CNGA1: variants seen among roughly 807,000 people sequenced by gnomAD.
CNGA1 encodes the protein cyclic nucleotide gated channel subunit alpha 1, also known as cyclic nucleotide-gated channel alpha-1.
In CNGA1, 53 loss-of-function variants were observed where a neutral mutation model predicts 69.7. The ratio of observed to expected loss-of-function variants is 0.76; its 90% CI spans 0.61 to 0.96. The LOEUF is 0.96. Among genes scored for constraint, CNGA1 ranks in the 40% least tolerant of loss-of-function variants. CNGA1 has a pLI of 0.00. For missense variants in CNGA1, 739 were observed against 811.2 expected (o/e 0.91, Z 1.08); for synonymous variants, 249 against 283.5 (o/e 0.88, Z 1.22).
intron 2 of CNGA1, among the ~76,000 whole-genome samples, chr4:48,002,026 A>C (rs906745029): frequency 3.9e-5 from 6 of 152,182 alleles, no homozygotes; most frequent in African/African-American, 1.2e-4. Flanking sequence ...AATATATCAA[A>C]ATTTGTGGGA....
At chr4:47,985,307 T>C (rs888494128) in intron 2 of CNGA1, among the ~76,000 whole-genome samples, 1 of 152,216 alleles carries the variant, frequency 6.6e-6, no homozygotes, top group Non-Finnish European at 1.5e-5. Flanking sequence ...GTGGAAGATA[T>C]ATTTTCTGGT....
chr4:48,011,494 C>A (rs552371597), intron 1 of CNGA1, among the ~76,000 whole-genome samples: 4 of 151,872 alleles, frequency 2.6e-5, no homozygotes, highest in African/African-American at 4.8e-5. Flanking sequence ...TTAAAAAAAT[C>A]TTTTAAAATC....
intron 1 of CNGA1, among the ~76,000 whole-genome samples, chr4:48,011,369 T>C (rs548510063): frequency 3.4e-5 from 5 of 148,330 alleles, no homozygotes; most frequent in Non-Finnish European, 5.9e-5. Flanking sequence ...AACATGAAGG[T>C]CTTTTAAATA....
intron 3 of CNGA1, chr4:47,970,950 G>A (rs1740981736): frequency 2.2e-6 from 1 of 453,714 alleles, no homozygotes; most frequent in Non-Finnish European, 4.4e-6. Flanking sequence ...GAGATCAGGA[G>A]TTCAAGTCCA....
intron 3 of CNGA1, among the ~76,000 whole-genome samples, chr4:47,975,739 T>C (rs1741315305): frequency 6.6e-6 from 1 of 152,050 alleles, no homozygotes; most frequent in African/African-American, 2.4e-5. Context: ...TTAATTATGA[T>C]CCTGGGGCAT....
rs139028679 is a variant in CNGA1 at position 47,964,800 on chromosome 4, T to C, written c.-14-12097A>G. Among the ~76,000 whole-genome samples the C allele has an allele frequency of 2.2e-3, 335 of 152,200 alleles. 1 individual carries two copies. The highest frequency in any genetic ancestry group is 7.6e-3 in the African/African-American group (317 of 41,582). ...CTTTACATTTTCAAAAATGTTTCAA[T>C]GTATAGATTCTAAATTTTTATTAAT... On this transcript the variant is annotated intron_variant, in intron 3 of 10. Coordinates refer to ENST00000514170, the MANE Select transcript of CNGA1 (RefSeq NM_001379270.1).
chr4:47,947,072 C>T (rs1739440054), intron 6 of CNGA1, among the ~76,000 whole-genome samples: 1 of 152,176 alleles, frequency 6.6e-6, no homozygotes, highest in African/African-American at 2.4e-5. Context: ...CAGGTGTGAG[C>T]CACCATGCCC....
intron 3 of CNGA1, among the ~76,000 whole-genome samples, chr4:47,955,540 T>C (rs1476187195): frequency 6.6e-6 from 1 of 152,148 alleles, no homozygotes; most frequent in African/African-American, 2.4e-5. Context: ...ATTACTAAGG[T>C]ACAAAGTGGT....
At chr4:48,015,094 C>T (rs1305834955) in intron 1 of CNGA1, among the ~76,000 whole-genome samples, 1 of 152,128 alleles carries the variant, frequency 6.6e-6, no homozygotes, top group Non-Finnish European at 1.5e-5. Context: ...AGGAGAATGG[C>T]GTGAACCCAG....
chr4:47,944,179 AG>A (rs1281551685), intron 6 of CNGA1, among the ~76,000 whole-genome samples: 1 of 152,192 alleles, frequency 6.6e-6, no homozygotes, highest in East Asian at 1.9e-4. Context: ...TTCTAAAGCT[AG>A]GCCTCAAAGT....
Position 47,937,030 on chromosome 4 carries a change from C to A in CNGA1, c.1452G>T (p.Leu484Phe). The A allele has an allele frequency of 6.2e-7, 1 of 1,614,142 alleles. No homozygotes were observed. The highest frequency in any genetic ancestry group is 8.5e-7 in the Non-Finnish European group (1 of 1,180,034). The stretch of plus-strand genomic sequence containing the variant: ...GTTGCAATTTCAAGACCAACTCCAC[C>A]AACAGACCAGCTTCACAATCAGCAA... ...RIFADCEAGL[L>F]VELVLKLQPQ... The change falls in exon 11 of 11, where the codon TTG becomes TTT. Residue 484 changes from leucine (L) to phenylalanine (F), a missense_variant. Physicochemically the swap from Leu to Phe is conservative, Grantham distance 22. Transcript: ENST00000514170.
chr4:48,000,574 G>A (rs974285451), intron 2 of CNGA1, among the ~76,000 whole-genome samples: 3 of 152,098 alleles, frequency 2.0e-5, no homozygotes, highest in African/African-American at 7.2e-5. Context: ...CTCCAGATTG[G>A]TTAGGCTGGT....
intron 3 of CNGA1, among the ~76,000 whole-genome samples, chr4:47,963,639 A>G (rs1436735989): frequency 1.3e-5 from 2 of 152,164 alleles, no homozygotes; most frequent in Non-Finnish European, 2.9e-5. Context: ...AATTTATTCT[A>G]TCAGTTTAAT....
intron 4 of CNGA1, among the ~76,000 whole-genome samples, chr4:47,951,955 G>T (rs976866675): frequency 6.6e-6 from 1 of 152,082 alleles, no homozygotes; most frequent in African/African-American, 2.4e-5. Context: ...TGTATCTATG[G>T]CAATGTCATC....
chr4:47,999,044 G>C (rs956913094), intron 2 of CNGA1, among the ~76,000 whole-genome samples: 2 of 152,122 alleles, frequency 1.3e-5, no homozygotes, highest in African/African-American at 2.4e-5. Context: ...CACCTCCTTC[G>C]TCTCATCACA....
chr4:47,992,923 G>A (rs1276011053), intron 2 of CNGA1, among the ~76,000 whole-genome samples: 1 of 152,042 alleles, frequency 6.6e-6, no homozygotes, highest in Non-Finnish European at 1.5e-5. Context: ...TTTGTTGAAT[G>A]CTTTTTCTGC....
intron 2 of CNGA1, among the ~76,000 whole-genome samples, chr4:48,006,674 T>TCTC: frequency 6.6e-6 from 1 of 152,208 alleles, no homozygotes; most frequent in African/African-American, 2.4e-5. Flanking sequence ...CAGGCTGGAG[T>TCTC]GCAGTGGCAT....
chr4:47,994,838 G>A (rs1742415529), intron 2 of CNGA1, among the ~76,000 whole-genome samples: 1 of 152,082 alleles, frequency 6.6e-6, no homozygotes, highest in Non-Finnish European at 1.5e-5. Flanking sequence ...TCAATATTTA[G>A]AGCTCTTTTT....
chr4:48,002,389 G>C (rs1714699370), intron 2 of CNGA1, among the ~76,000 whole-genome samples: 1 of 152,170 alleles, frequency 6.6e-6, no homozygotes, highest in South Asian at 2.1e-4. Flanking sequence ...ACTCTGTAAA[G>C]ACAGACCACA....
Sources: allele counts gnomAD v4.1 joint callset (sites outside exome capture counted in the v4.1 genomes callset), GRCh38; gene constraint gnomAD v4.1.1; transcripts MANE v1.5; gene names NCBI Gene and HGNC (gene_info 2026-07-23, HGNC 2026-07-21).